The following TRPV1 variants were observed in gnomAD, a reference collection of about 807,000 sequenced individuals.
TRPV1 encodes the protein transient receptor potential cation channel subfamily V member 1.
A neutral mutation model predicts 82.3 loss-of-function variants in TRPV1; 82 were observed. That is an observed-to-expected ratio of 1.00 (90% confidence interval 0.83 to 1.20). The LOEUF (loss-of-function observed/expected upper bound fraction) is 1.20, where lower values mean the gene tolerates loss of function less well. TRPV1 is among the 50% of genes most tolerant of loss of function. TRPV1 has a pLI of 0.00. For synonymous variants in TRPV1, 515 were observed against 467.7 expected, an observed-to-expected ratio of 1.10 and a Z score of -1.30; for missense variants, 1,067 against 1,096.8, an observed-to-expected ratio of 0.97 and a Z score of 0.38.
intron 13 of TRPV1, among the ~76,000 whole-genome samples, chr17:3,576,184 T>G (rs2074925937): frequency 6.6e-6 from 1 of 152,060 alleles, no homozygotes. Flanking sequence ...ATGGCGCCAC[T>G]GCACTCCAGC....
chr17:3,597,736 C>T (rs1427463742), intron 2 of TRPV1, among the ~76,000 whole-genome samples: 3 of 147,618 alleles, frequency 2.0e-5, no homozygotes, highest in Non-Finnish European at 3.0e-5. Flanking sequence ...TGCAATGGCG[C>T]GATCTCAGCT....
intron 8 of TRPV1, among the ~76,000 whole-genome samples, chr17:3,586,822 G>A (rs748437840): frequency 6.6e-6 from 1 of 152,134 alleles, no homozygotes; most frequent in Non-Finnish European, 1.5e-5. Context: ...CCCTGAGACT[G>A]ATGAGCCAAA....
intron 10 of TRPV1, among the ~76,000 whole-genome samples, chr17:3,582,421 C>A (rs1397284970): frequency 2.6e-5 from 4 of 151,602 alleles, no homozygotes; most frequent in African/African-American, 4.8e-5. Flanking sequence ...TCAAAAAAAA[C>A]AAAAACAAAA....
At chr17:3,595,413 A>G (rs2075210466) in intron 2 of TRPV1, among the ~76,000 whole-genome samples, 1 of 151,924 alleles carries the variant, frequency 6.6e-6, no homozygotes, top group African/African-American at 2.4e-5. Context: ...CAGCAGTTCA[A>G]CTCAGACCCA....
intron 2 of TRPV1, among the ~76,000 whole-genome samples, chr17:3,603,740 A>T (rs2075279516): frequency 6.6e-6 from 1 of 152,178 alleles, no homozygotes. Context: ...TAATGAAAAA[A>T]ACAAGGTTTG....
At position 3,592,178 on chromosome 17, in the gene TRPV1, G is replaced by A. The variant is rs760254355; in HGVS notation, c.173C>T (p.Ala58Val). Reference protein sequence around the residue: ...RLFGKGDSEEAFPVDCPHEEG... With the variant: ...RLFGKGDSEEVFPVDCPHEEG... ...CTCGTGAGGGCAATCCACCGGGAAA[G>A]CCTCCTCCGAGTCACCCTTCCCAAA... Residue 58 changes from alanine to valine, a missense_variant, in exon 3 of 17, where the codon GCT (alanine) becomes GTT (valine). Coordinates refer to ENST00000572705, the MANE Select transcript of TRPV1 (RefSeq NM_080704.4). The A allele has an allele frequency of 3.1e-6, 5 of 1,613,686 alleles. No individual in the cohort carries two copies. The South Asian group carries it at 5.5e-5, about 18-fold the overall frequency.
chr17:3,570,408 G>A (rs922204415), intron 16 of TRPV1, among the ~76,000 whole-genome samples: 3 of 151,882 alleles, frequency 2.0e-5, no homozygotes, highest in Non-Finnish European at 4.4e-5. Context: ...ATAGATAGTG[G>A]TGAGTGTTGT....
chr17:3,591,428 G>A, intron 3 of TRPV1, 75 bp from the exon 4 acceptor site: 1 of 1,491,020 alleles, frequency 6.7e-7, no homozygotes, highest in Non-Finnish European at 8.9e-7. Flanking sequence ...CTTGTCAAGG[G>A]AACACGACTA....
At chr17:3,592,581 T>G in intron 2 of TRPV1, 198 bp from the exon 3 acceptor site, 1 of 600,604 alleles carries the variant, frequency 1.7e-6, no homozygotes, top group Non-Finnish European at 2.9e-6. Flanking sequence ...TGAGCAGGCC[T>G]AGCAGGGCCC....
rs576038774 is a variant in TRPV1, at chr17:3,571,606, G to A, written c.2265C>T (p.Thr755=). The part of the protein sequence containing the change: ...VDEVNWTTWN[T]NVGIINEDPG... ...GGTCTTCGTTGATGATGCCCACGTT[G>A]GTGTTCCAGGTGGTCCAGTTCACCT... The change falls in exon 16 of 17, where the codon ACC becomes ACT. Residue 755 remains threonine (T), a synonymous_variant. Coordinates refer to ENST00000572705, the MANE Select transcript of TRPV1 (RefSeq NM_080704.4). 7 of 1,612,194 alleles carry A rather than the reference G, an allele frequency of 4.3e-6. No individual in the cohort carries two copies. The highest frequency in any genetic ancestry group is 5.9e-6 in the Non-Finnish European group (7 of 1,179,302).
intron 14 of TRPV1, 74 bp from the exon 15 acceptor site, chr17:3,572,323 T>C (rs144347022): frequency 1.2e-5 from 19 of 1,520,076 alleles, no homozygotes; most frequent in Non-Finnish European, 1.7e-5. Context: ...GCTGCCAGTA[T>C]CCAGCTCCCC....
chr17:3,585,930 G>C lies in TRPV1; in HGVS notation c.1225-4C>G. ...CCAAGAGCATGTCGTGGCGATTCTA[G>C]GGGGTGGGGAGAGAAGTGAGGTTCC... is the stretch of plus-strand genomic sequence containing the variant. On this transcript the variant is annotated splice_region_variant and splice_polypyrimidine_tract_variant and intron_variant, in intron 8 of 16. Coordinates refer to ENST00000572705, the MANE Select transcript of TRPV1 (RefSeq NM_080704.4). 1 of 1,613,498 alleles carries C rather than the reference G, an allele frequency of 6.2e-7. No homozygotes were observed. The highest frequency in any genetic ancestry group is 8.5e-7 in the Non-Finnish European group (1 of 1,179,734).
Position 3,592,059 on chromosome 17 carries a change from G to A in TRPV1, c.284+8C>T, listed in dbSNP as rs749822403. 34 of 1,607,710 alleles carry A rather than the reference G, an allele frequency of 2.1e-5. No individual in the cohort carries two copies. The highest frequency in any genetic ancestry group is 1.3e-4 in the African/African-American group (10 of 74,936). The stretch of plus-strand genomic sequence containing the variant: ...CAGCAGGGAGGGGGGCTCCAGACGC[G>A]GACTTACCTGGCACCGGTGGGGCCG... On this transcript the variant is annotated splice_region_variant and intron_variant, in intron 3 of 16. Coordinates refer to ENST00000572705, the MANE Select transcript of TRPV1 (RefSeq NM_080704.4).
intron 9 of TRPV1, among the ~76,000 whole-genome samples, chr17:3,583,785 T>A (rs1341408769): frequency 6.6e-6 from 1 of 152,192 alleles, no homozygotes; most frequent in Admixed American, 6.5e-5. Flanking sequence ...CACATCCCGC[T>A]GCCACCCCAG....
At chr17:3,597,764 C>G (rs947037639) in intron 2 of TRPV1, among the ~76,000 whole-genome samples, 2 of 151,284 alleles carry the variant, frequency 1.3e-5, no homozygotes, top group African/African-American at 4.9e-5. Flanking sequence ...ACCTCCACCT[C>G]CCAGGTTTAA....
chr17:3,583,380 C>T lies in TRPV1; in HGVS notation c.1434G>A (p.Glu478=). 1 of 1,610,658 alleles carries T rather than the reference C, an allele frequency of 6.2e-7. No individual in the cohort carries two copies. The highest frequency in any genetic ancestry group is 1.1e-5 in the South Asian group (1 of 90,110). The change falls in exon 10 of 17, where the codon GAG becomes GAA. Residue 478 remains glutamate (E), a synonymous_variant. Transcript: ENST00000572705. ...AGACTCCTCCTAACACAGACAGGATCTCTCCAGTAACTCGGAAATAGTCTC... is the reference window on the plus strand; with the variant it reads ...AGACTCCTCCTAACACAGACAGGATTTCTCCAGTAACTCGGAAATAGTCTC... ...KTGDYFRVTG[E]ILSVLGGVYF...
intron 8 of TRPV1, among the ~76,000 whole-genome samples, chr17:3,587,345 T>C (rs937900415): frequency 2.0e-5 from 3 of 152,168 alleles, no homozygotes; most frequent in Non-Finnish European, 4.4e-5. Flanking sequence ...TCACTGCTGA[T>C]GGCACAGACT....
At position 3,573,689 on chromosome 17, in the gene TRPV1, T is replaced by C; in HGVS notation, c.2047A>G (p.Met683Val). Residue 683 changes from methionine to valine, a missense_variant, in exon 14 of 17, where the codon ATG becomes GTG. Transcript: ENST00000572705. ...GCGATCTTGTTGACAGTCTCACCCA[T>C]GAGGGCGATGAGCATGTTGAGCAGG... ...ILLLNMLIAL[M>V]GETVNKIAQE... The C allele has an allele frequency of 1.2e-6, 2 of 1,614,050 alleles. No homozygotes were observed. The highest frequency in any genetic ancestry group is 1.1e-5 in the South Asian group (1 of 91,058).
chr17:3,571,877 C>T lies in TRPV1; in HGVS notation c.2232-238G>A, dbSNP rs75589002. ...CCAGGCTCTGACGCTGCTCACTAGA[C>T]GGCCCCTTCTGGACACCTCGAATTT... On this transcript the variant is annotated intron_variant, in intron 15 of 16. Transcript: ENST00000572705. Among the ~76,000 whole-genome samples the T allele has an allele frequency of 3.3e-3, 504 of 152,294 alleles. 1 individual carries two copies. The highest frequency in any genetic ancestry group is 4.8e-3 in the Admixed American group (74 of 15,296).
Sources: allele counts gnomAD v4.1 joint callset (sites outside exome capture counted in the v4.1 genomes callset), GRCh38; gene constraint gnomAD v4.1.1; transcripts MANE v1.5; gene names NCBI Gene and HGNC (gene_info 2026-07-23, HGNC 2026-07-21).